KDM4B: variants seen among roughly 807,000 people sequenced by gnomAD.
The protein encoded by KDM4B is lysine demethylase 4B.
In KDM4B, 32 loss-of-function variants were observed where a neutral mutation model predicts 125.2. The ratio of observed to expected loss-of-function variants is 0.26; its 90% confidence interval spans 0.19 to 0.34. KDM4B has a LOEUF of 0.34. Among genes scored for constraint, KDM4B ranks in the 10% least tolerant of loss-of-function variants. KDM4B has a pLI of 1.00. For synonymous variants in KDM4B, 721 were observed against 677.9 expected (o/e 1.06, Z -0.99); for missense variants, 1,190 against 1,577.7 (o/e 0.75, Z 4.16).
intron 2 of KDM4B, among the ~76,000 whole-genome samples, chr19:5,026,289 T>C (rs1428657965): frequency 1.4e-5 from 2 of 144,708 alleles, no homozygotes; most frequent in East Asian, 4.4e-4. Flanking sequence ...CCTCCCAAAG[T>C]GCTGGGATTA....
intron 1 of KDM4B, among the ~76,000 whole-genome samples, chr19:4,969,792 C>G (rs1236220536): frequency 6.6e-6 from 1 of 151,618 alleles, no homozygotes; most frequent in African/African-American, 2.4e-5. Flanking sequence ...CTGCACTGCC[C>G]CCACCTCCGG....
At chr19:5,112,581 G>C (rs1014894418) in intron 10 of KDM4B, 9 of 152,252 alleles carry the variant, frequency 5.9e-5, no homozygotes, top group African/African-American at 2.2e-4. Flanking sequence ...GTCACTTCTG[G>C]TCCAGAACCT....
chr19:5,034,648 C>A (rs902580315), intron 3 of KDM4B, among the ~76,000 whole-genome samples: 1 of 152,156 alleles, frequency 6.6e-6, no homozygotes, highest in Non-Finnish European at 1.5e-5. Context: ...CCTTTCCGGG[C>A]CGCCTCCACC....
intron 13 of KDM4B, among the ~76,000 whole-genome samples, chr19:5,132,613 G>A (rs1380762185): frequency 3.9e-5 from 6 of 152,104 alleles, no homozygotes; most frequent in Non-Finnish European, 5.9e-5. Context: ...GAATCGGCAC[G>A]GGGACAGAGG....
intron 1 of KDM4B, among the ~76,000 whole-genome samples, chr19:4,981,125 C>A (rs572273015): frequency 6.6e-6 from 1 of 152,260 alleles, no homozygotes; most frequent in Admixed American, 6.5e-5. Context: ...TGGCGTGCCT[C>A]AGCCAGTGGG....
At chr19:5,118,683 C>T (rs1308458222) in intron 10 of KDM4B, among the ~76,000 whole-genome samples, 1 of 152,192 alleles carries the variant, frequency 6.6e-6, no homozygotes, top group Non-Finnish European at 1.5e-5. Context: ...GGCCGCTCAG[C>T]TGCAGGGTCA....
intron 1 of KDM4B, among the ~76,000 whole-genome samples, chr19:4,990,412 G>T (rs977988027): frequency 6.6e-6 from 1 of 152,242 alleles, no homozygotes; most frequent in Non-Finnish European, 1.5e-5. Context: ...ACTTAGCAGT[G>T]CAGGTTTCTG....
chr19:5,053,350 G>A (rs1021285742), intron 6 of KDM4B, among the ~76,000 whole-genome samples: 21 of 152,238 alleles, frequency 1.4e-4, no homozygotes, highest in Admixed American at 3.9e-4. Flanking sequence ...CCCAGGCAGG[G>A]GACCGCAGCC....
chr19:5,060,787 C>T (rs555818577), intron 6 of KDM4B, among the ~76,000 whole-genome samples: 6 of 152,334 alleles, frequency 3.9e-5, no homozygotes, highest in Non-Finnish European at 8.8e-5. Context: ...TGGGCACCTG[C>T]CCTGCGCACC....
chr19:5,023,684 C>G (rs564948597), intron 2 of KDM4B, among the ~76,000 whole-genome samples: 2 of 150,820 alleles, frequency 1.3e-5, no homozygotes, highest in Non-Finnish European at 1.5e-5. Context: ...GACGAGGGCT[C>G]GAGGGAGCCC....
intron 9 of KDM4B, among the ~76,000 whole-genome samples, chr19:5,109,624 T>C (rs896733357): frequency 1.3e-5 from 2 of 152,168 alleles, no homozygotes; most frequent in South Asian, 4.2e-4. Context: ...GCAAGCCGGC[T>C]GCAGCACATG....
At chr19:5,050,667 G>A (rs2037191154) in intron 6 of KDM4B, among the ~76,000 whole-genome samples, 1 of 152,238 alleles carries the variant, frequency 6.6e-6, no homozygotes, top group African/African-American at 2.4e-5. Context: ...TTGGGAGGCT[G>A]AGGCGGTTGG....
chr19:5,129,111 G>A (rs866626021), intron 11 of KDM4B, among the ~76,000 whole-genome samples: 2 of 152,176 alleles, frequency 1.3e-5, no homozygotes, highest in Admixed American at 6.5e-5. Context: ...ACAGGTGGGC[G>A]TGTGCCTGCC....
At chr19:5,090,384 A>C (rs1358046248) in intron 9 of KDM4B, among the ~76,000 whole-genome samples, 465 of 16,268 alleles carry the variant, frequency 0.029, no homozygotes, top group Middle Eastern at 0.067. Context: ...CTCCCCCCAT[A>C]TCTCTCCCCC....
rs2145267803 is a variant in KDM4B, at chr19:4,971,496, G to C, written c.-109+2266G>C. On this transcript the variant is annotated intron_variant, in intron 1 of 22. Transcript: ENST00000159111. This position sits in a 1 kb window ranked among gnomAD's most constrained non-coding sequence, Gnocchi z 4.1. ...TGAGCCGGGGAGGAGCCTCAGCTCT[G>C]GGGAAGCCATCTGTCCTCGGTTCCA... 6.6e-6 allele frequency among the ~76,000 whole-genome samples: 1 copy of C among 152,248 alleles called. No homozygotes were observed. The highest frequency in any genetic ancestry group is 1.9e-4 in the East Asian group (1 of 5,176).
intron 2 of KDM4B, among the ~76,000 whole-genome samples, chr19:5,019,039 CGTT>C (rs1312462176): frequency 6.8e-6 from 1 of 146,838 alleles, no homozygotes; most frequent in African/African-American, 2.5e-5. Flanking sequence ...TTGGTGTGGA[CGTT>C]GGTGTGCAGG....
intron 6 of KDM4B, among the ~76,000 whole-genome samples, chr19:5,052,946 C>G (rs2037278562): frequency 6.6e-6 from 1 of 152,260 alleles, no homozygotes; most frequent in South Asian, 2.1e-4. Flanking sequence ...CATGGCCCCC[C>G]TCAGTGACCT....
chr19:4,995,202 C>G (rs1021093379), intron 1 of KDM4B, among the ~76,000 whole-genome samples: 6 of 152,194 alleles, frequency 3.9e-5, no homozygotes, highest in Admixed American at 1.3e-4. Flanking sequence ...CATCCCTCTC[C>G]TTGTGTTTCT....
chr19:5,127,970 C>A (rs899996337), intron 11 of KDM4B, among the ~76,000 whole-genome samples: 2 of 152,306 alleles, frequency 1.3e-5, no homozygotes, highest in Admixed American at 1.3e-4. Context: ...GAGGACAGCC[C>A]GGCTCTGTGT....
Sources: gnomAD v4.1 joint callset for allele counts (sites outside exome capture counted in the v4.1 genomes callset) on GRCh38, gnomAD v4.1.1 for gene constraint, Gnocchi (gnomAD v3.1) non-coding constraint, MANE v1.5 for transcripts, NCBI Gene and HGNC (gene_info 2026-07-23, HGNC 2026-07-21) for gene names.